Variants in TRPM7 observed in about 807,000 individuals in gnomAD.
The protein encoded by TRPM7 is transient receptor potential cation channel subfamily M member 7, also known as LTRPC ion channel family member 7.
Under a neutral mutation model 229.7 loss-of-function variants are expected in TRPM7, and 134 were observed. That is an observed-to-expected ratio of 0.58 (90% CI 0.51 to 0.67). TRPM7 has a LOEUF of 0.67. Ranked by LOEUF, TRPM7 falls within the 30% of genes least tolerant of loss-of-function variation. The probability of loss-of-function intolerance (pLI) is 0.00; values close to 1 mark genes in which losing one functional copy is unlikely to be tolerated. For missense variants in TRPM7, 1,901 were observed against 2,210.0 expected (o/e 0.86, Z 2.80); for synonymous variants, 699 against 715.2 (o/e 0.98, Z 0.36).
intron 2 of TRPM7, among the ~76,000 whole-genome samples, chr15:50,658,227 G>A (rs954075673): frequency 2.0e-5 from 3 of 151,860 alleles, no homozygotes; most frequent in Admixed American, 1.3e-4. Flanking sequence ...GGATGGTCTC[G>A]ATCTCCTGAC....
chr15:50,654,549 G>GACTCT (rs1260921553), intron 3 of TRPM7, among the ~76,000 whole-genome samples: 1 of 151,336 alleles, frequency 6.6e-6, no homozygotes, highest in Non-Finnish European at 1.5e-5. Context: ...AGTAGACAAA[G>GACTCT]ACTCTAATGC....
At chr15:50,634,280 C>A in intron 8 of TRPM7, 102 bp downstream of exon 8, 1 of 911,346 alleles carries the variant, frequency 1.1e-6, no homozygotes, top group Non-Finnish European at 1.5e-6. Context: ...AAGATTGCAC[C>A]ACTGCACGCT....
chr15:50,674,915 T>C (rs894819394), intron 1 of TRPM7, among the ~76,000 whole-genome samples: 10 of 152,216 alleles, frequency 6.6e-5, no homozygotes, highest in African/African-American at 2.4e-4. Context: ...CAGAGTTGTT[T>C]CTCATTGGCA....
intron 12 of TRPM7, among the ~76,000 whole-genome samples, chr15:50,623,528 A>T (rs2060478070): frequency 6.9e-6 from 1 of 145,280 alleles, no homozygotes; most frequent in African/African-American, 2.5e-5. Flanking sequence ...GGCAATAAAA[A>T]GGCCAAGTGA....
chr15:50,648,591 A>G (rs2061333740), intron 4 of TRPM7, 96 bp downstream of exon 4: 1 of 1,112,846 alleles, frequency 9.0e-7, no homozygotes. Flanking sequence ...CAAATAAATT[A>G]CTGAGACCAA....
At chr15:50,657,947 T>C (rs987896762) in intron 2 of TRPM7, 128 bp from the exon 3 acceptor site, 38 of 607,248 alleles carry the variant, frequency 6.3e-5, no homozygotes, top group African/African-American at 5.6e-4. Context: ...GTAGATATTA[T>C]AGTTCACGTA....
chr15:50,588,316 C>A lies in TRPM7; in HGVS notation c.4389+1276G>T, dbSNP rs539082927. ...AAAGGCAAATACAGAAAGGAAAAAACCCAGGTAATCATTACACCTCAATTT... is the reference window on the plus strand; with the variant it reads ...AAAGGCAAATACAGAAAGGAAAAAAACCAGGTAATCATTACACCTCAATTT... On this transcript the variant is annotated intron_variant, in intron 27 of 38. Transcript: ENST00000646667. The A allele has an allele frequency of 8.2e-5, 63 of 771,880 alleles. 1 individual carries two copies. The South Asian group carries it at 3.5e-3, about 43-fold the overall frequency. The allele number at this position is 771,880 out of a possible 1,614,324, so 47.8% of individuals were successfully genotyped here.
At chr15:50,629,754 G>A (rs934428651) in intron 10 of TRPM7, among the ~76,000 whole-genome samples, 1 of 151,200 alleles carries the variant, frequency 6.6e-6, no homozygotes, top group African/African-American at 2.4e-5. Flanking sequence ...AATCTGACTT[G>A]TAGGAATAAA....
intron 20 of TRPM7, among the ~76,000 whole-genome samples, 160 bp from the exon 21 acceptor site, chr15:50,605,304 G>A (rs552066445): frequency 2.5e-4 from 38 of 152,280 alleles, no homozygotes; most frequent in African/African-American, 8.4e-4. Context: ...AGGGTGGAGT[G>A]CAGTGGCTCA....
intron 38 of TRPM7, among the ~76,000 whole-genome samples, 156 bp from the exon 39 acceptor site, chr15:50,561,964 G>A (rs890567550): frequency 1.3e-5 from 2 of 152,044 alleles, no homozygotes; most frequent in East Asian, 1.9e-4. Flanking sequence ...GCGCGATCTC[G>A]GTTCACTGCA....
intron 3 of TRPM7, among the ~76,000 whole-genome samples, chr15:50,651,235 A>T (rs1317954920): frequency 6.8e-6 from 1 of 147,260 alleles, no homozygotes; most frequent in Admixed American, 7.3e-5. Context: ...GCATGCAAAG[A>T]AGCAGAAAAC....
At chr15:50,596,013 G>A (rs530304256) in intron 23 of TRPM7, among the ~76,000 whole-genome samples, 1 of 152,136 alleles carries the variant, frequency 6.6e-6, no homozygotes, top group African/African-American at 2.4e-5. Context: ...TGGCAACCGA[G>A]GAAAAATCCC....
intron 30 of TRPM7, 77 bp downstream of exon 30, chr15:50,580,797 T>G: frequency 7.6e-7 from 1 of 1,324,318 alleles, no homozygotes; most frequent in South Asian, 1.4e-5. Flanking sequence ...AAAGAGATGA[T>G]GTAAAGAGCA....
intron 29 of TRPM7, 31 bp downstream of exon 29, chr15:50,583,058 A>C: frequency 6.8e-7 from 1 of 1,472,186 alleles, no homozygotes; most frequent in Non-Finnish European, 9.2e-7. Context: ...GTATTTAATA[A>C]TATATATCTG....
intron 12 of TRPM7, among the ~76,000 whole-genome samples, chr15:50,622,928 T>C (rs1180978530): frequency 6.6e-6 from 1 of 152,014 alleles, no homozygotes; most frequent in East Asian, 1.9e-4. Flanking sequence ...TAATACCTAC[T>C]TCAAAGAAAT....
At chr15:50,577,455 G>A (rs1287099082) in intron 31 of TRPM7, among the ~76,000 whole-genome samples, 1 of 152,148 alleles carries the variant, frequency 6.6e-6, no homozygotes, top group African/African-American at 2.4e-5. Flanking sequence ...GCTGAGGCAG[G>A]AGAACTGCTT....
chr15:50,621,176 A>C (rs1049411894), intron 12 of TRPM7, among the ~76,000 whole-genome samples: 11 of 151,668 alleles, frequency 7.3e-5, no homozygotes, highest in African/African-American at 2.7e-4. Context: ...AAAAAAAAAA[A>C]AAAAAACCTA....
chr15:50,635,318 TAAAA>T (rs71124393), intron 7 of TRPM7, among the ~76,000 whole-genome samples: 188 of 42,932 alleles, frequency 4.4e-3, no homozygotes, highest in Admixed American at 0.01. Flanking sequence ...CTCCCTCACA[TAAAA>T]AAAAAAAAAA....
intron 3 of TRPM7, among the ~76,000 whole-genome samples, chr15:50,653,822 G>A (rs1357247928): frequency 6.6e-6 from 1 of 152,202 alleles, no homozygotes; most frequent in Non-Finnish European, 1.5e-5. Flanking sequence ...GTATCTGTGA[G>A]AGATTCTGTG....
Sources: allele counts gnomAD v4.1 joint callset (sites outside exome capture counted in the v4.1 genomes callset), GRCh38; gene constraint gnomAD v4.1.1; transcripts MANE v1.5; gene names NCBI Gene and HGNC (gene_info 2026-07-23, HGNC 2026-07-21).